Variants in DENND2A observed in about 807,000 individuals in gnomAD.
DENND2A encodes DENN domain-containing protein 2A.
Under a neutral mutation model 105.3 loss-of-function variants are expected in DENND2A, and 53 were observed. That is an observed-to-expected ratio of 0.50 (90% CI 0.40 to 0.63). The LOEUF (loss-of-function observed/expected upper bound fraction) is 0.63, where lower values mean the gene tolerates loss of function less well. Among genes scored for constraint, DENND2A ranks in the 30% least tolerant of loss-of-function variants. The probability of loss-of-function intolerance (pLI) is 0.00; values close to 1 mark genes in which losing one functional copy is unlikely to be tolerated. For missense variants in DENND2A, 1,138 were observed against 1,279.6 expected (o/e 0.89, Z 1.69); for synonymous variants, 522 against 508.4 (o/e 1.03, Z -0.36).
chr7:140,624,709 T>C lies in DENND2A; in HGVS notation c.-248+15795A>G, dbSNP rs140922115. Among the ~76,000 whole-genome samples the C allele has an allele frequency of 2.9e-3, 440 of 152,220 alleles. 2 individuals are homozygous for C. The highest frequency in any genetic ancestry group is 0.01 in the African/African-American group (418 of 41,556). On this transcript the variant is annotated intron_variant, in intron 1 of 19. Coordinates refer to ENST00000496613, the MANE Select transcript of DENND2A (RefSeq NM_015689.5). ...TTCTTGAAGGCATTTCTTTTCCTTT[T>C]TTTTTTCTTAGCTGAAGAGCCACTT...
chr7:140,640,537 G>T lies in DENND2A; in HGVS notation c.-281C>A. The T allele has an allele frequency of 6.6e-6, 1 of 151,134 alleles. No individual in the cohort carries two copies. Among genetic ancestry groups the T allele is most frequent in the South Asian group, 1.9e-4 (1 of 5,390 alleles). 9.4% of individuals were successfully genotyped at this position (151,134 alleles called of 1,614,324 possible). On this transcript the variant is annotated 5_prime_UTR_variant, in exon 1 of 20. Transcript: ENST00000496613. This position sits in a 1 kb window ranked among gnomAD's most constrained non-coding sequence, Gnocchi z 4.9. ...GGGCGGCGGCTCCGCGGGCTCTGGG[G>T]CGCATCTTGGGGGCTCCGGGGCGGG...
intron 10 of DENND2A, 84 bp from the exon 11 acceptor site, chr7:140,558,296 A>AGCAAGGGGTG: frequency 9.1e-7 from 1 of 1,093,594 alleles, no homozygotes; most frequent in Non-Finnish European, 1.4e-6. Context: ...GGTGGCAGTG[A>AGCAAGGGGTG]GCAGCCATGG....
intron 3 of DENND2A, among the ~76,000 whole-genome samples, chr7:140,594,238 C>T (rs1470512178): frequency 6.6e-6 from 1 of 152,124 alleles, no homozygotes; most frequent in African/African-American, 2.4e-5. Flanking sequence ...ATCTCTCTCC[C>T]CTTCTTAAAA....
chr7:140,636,994 G>C (rs544652933), intron 1 of DENND2A, among the ~76,000 whole-genome samples: 16 of 152,112 alleles, frequency 1.1e-4, no homozygotes, highest in African/African-American at 3.4e-4. Context: ...CAAGTAGTTG[G>C]GACTACAGGC....
chr7:140,573,926 C>T lies in DENND2A; in HGVS notation c.1328G>A (p.Arg443Gln), dbSNP rs778701152. ...TTTGGAAGGGGACCCAGTTCCATCCCGACTCAGCTTCCTAGTGTCCAGCAG... is the reference window on the plus strand; with the variant it reads ...TTTGGAAGGGGACCCAGTTCCATCCTGACTCAGCTTCCTAGTGTCCAGCAG... ...FKLLDTRKLS[R>Q]DGTGSPSKIS... Residue 443 changes from arginine to glutamine, a missense_variant, in exon 6 of 20, where the codon CGG (arginine) becomes CAG (glutamine). Physicochemically the swap from Arg to Gln is conservative, Grantham distance 43. Transcript: ENST00000496613. The T allele has an allele frequency of 3.0e-5, 49 of 1,614,024 alleles. No homozygotes were observed. The highest frequency in any genetic ancestry group is 1.8e-4 in the South Asian group (16 of 91,084).
intron 1 of DENND2A, among the ~76,000 whole-genome samples, chr7:140,614,153 G>C (rs1041255517): frequency 1.3e-5 from 2 of 151,810 alleles, no homozygotes; most frequent in African/African-American, 4.8e-5. Flanking sequence ...ACCCAGGCTG[G>C]AGTGCAGTGG....
Position 140,601,499 on chromosome 7 carries a change from G to A in DENND2A, c.899C>T (p.Pro300Leu). 1 of 1,614,076 alleles carries A rather than the reference G, an allele frequency of 6.2e-7. No homozygotes were observed. Among genetic ancestry groups the A allele is most frequent in the Non-Finnish European group, 8.5e-7 (1 of 1,180,004 alleles). ...RKEKRNLPPL[P>L]SLPPPPLPSS... ...GGGCAGAGGCGGGGGAGGTAGAGAG[G>A]GCAGAGGAGGCAGATTTCTTTTCTC... is the stretch of plus-strand genomic sequence containing the variant. Residue 300 changes from proline (P) to leucine (L), a missense_variant, in exon 3 of 20, where the codon CCC becomes CTC. Transcript: ENST00000496613.
intron 1 of DENND2A, among the ~76,000 whole-genome samples, chr7:140,633,353 G>C (rs2130740952): frequency 6.6e-6 from 1 of 151,938 alleles, no homozygotes; most frequent in South Asian, 2.1e-4. Flanking sequence ...TTATAGAGAT[G>C]GGGTTTGGCC....
At chr7:140,538,651 C>T (rs1796535675) in intron 14 of DENND2A, among the ~76,000 whole-genome samples, 1 of 151,808 alleles carries the variant, frequency 6.6e-6, no homozygotes, top group African/African-American at 2.4e-5. Context: ...GGATTACAGG[C>T]GCCCGCCACC....
At position 140,521,879 on chromosome 7, in the gene DENND2A, C is replaced by T. The variant is rs773888010; in HGVS notation, c.2887G>A (p.Glu963Lys). The T allele has an allele frequency of 1.4e-5, 22 of 1,613,974 alleles. No homozygotes were observed. Among genetic ancestry groups the T allele is most frequent in the Non-Finnish European group, 1.8e-5 (21 of 1,180,052 alleles). Residue 963 changes from glutamate (E) to lysine (K), a missense_variant, in exon 18 of 20, where the codon GAG becomes AAG. Coordinates refer to ENST00000496613, the MANE Select transcript of DENND2A (RefSeq NM_015689.5). ...QMFRGFIQER[E>K]LRRQDAKGLF... ...CCTTTGGCATCCTGCCGGCGCAGCT[C>T]CCGCTCCTGGATGAAGCCCCGAAAC...
intron 3 of DENND2A, among the ~76,000 whole-genome samples, chr7:140,592,037 C>T (rs1331033350): frequency 1.4e-3 from 162 of 117,480 alleles, no homozygotes; most frequent in African/African-American, 5.2e-3. Context: ...CCCTTCTTTT[C>T]TTCTTCTTTT....
chr7:140,552,676 C>G (rs28707559), intron 12 of DENND2A, among the ~76,000 whole-genome samples: 3,213 of 152,096 alleles, frequency 0.021, 112 homozygotes, highest in African/African-American at 0.073. Context: ...AGGATTACAG[C>G]TGTGAGCCAC....
intron 3 of DENND2A, among the ~76,000 whole-genome samples, chr7:140,601,084 G>C (rs1158749883): frequency 6.6e-6 from 1 of 152,118 alleles, no homozygotes; most frequent in Non-Finnish European, 1.5e-5. Context: ...CCAAGTTGTA[G>C]ACTGCCAGGG....
rs1797547136 is a variant in DENND2A, at chr7:140,559,951, G to C, written c.1780-134C>G. The stretch of plus-strand genomic sequence containing the variant: ...GCCTTAGCCTCTTCCCTTGGGAAGA[G>C]CTTGCAGCTCAGTCGGCTGGGGCAT... On this transcript the variant is annotated intron_variant, in intron 9 of 19. Coordinates refer to ENST00000496613, the MANE Select transcript of DENND2A (RefSeq NM_015689.5). The surrounding 1 kb of genome is among the most constrained non-coding windows in gnomAD (Gnocchi z 4.1). The C allele has an allele frequency of 1.4e-6, 1 of 718,554 alleles. No homozygotes were observed. The highest frequency in any genetic ancestry group is 2.5e-6 in the Non-Finnish European group (1 of 403,740). 44.5% of individuals were successfully genotyped at this position (718,554 alleles called of 1,614,324 possible). A position where few individuals can be genotyped will look rare whatever the true frequency, so the allele number is the denominator to read the frequency against.
intron 5 of DENND2A, among the ~76,000 whole-genome samples, chr7:140,581,718 G>T (rs751974106): frequency 3.3e-5 from 5 of 152,220 alleles, no homozygotes; most frequent in Non-Finnish European, 5.9e-5. Context: ...GGGCTTGCAA[G>T]GATCCGTGGC....
At chr7:140,543,373 A>G (rs1000886596) in intron 14 of DENND2A, among the ~76,000 whole-genome samples, 3 of 149,770 alleles carry the variant, frequency 2.0e-5, no homozygotes, top group African/African-American at 7.4e-5. Context: ...TCCCTCAAGC[A>G]GTCCTTCCAC....
intron 11 of DENND2A, among the ~76,000 whole-genome samples, chr7:140,557,830 G>T (rs182479116): frequency 6.6e-6 from 1 of 151,690 alleles, no homozygotes; most frequent in Admixed American, 6.6e-5. Context: ...GAGCCACCGC[G>T]CCCGGCCGTA....
In DENND2A at chr7:140,521,798, G is replaced by A. The variant is rs112781685; in HGVS notation, c.2911+57C>T. On this transcript the variant is annotated intron_variant, in intron 18 of 19. Transcript: ENST00000496613. ...TGATCTTTCTCCCTACTCATCAGCC[G>A]CCTGGAATATAGGGAGCTCTAGCTG... The A allele has an allele frequency of 3.1e-3, 4,921 of 1,598,754 alleles. 99 individuals carry two copies. In the African/African-American group the frequency reaches 0.038, roughly 12 times the overall value.
intron 18 of DENND2A, among the ~76,000 whole-genome samples, chr7:140,520,306 CAAAA>C (rs762064430): frequency 2.8e-5 from 3 of 108,226 alleles, no homozygotes; most frequent in Non-Finnish European, 5.9e-5. Context: ...AACTCCGTCG[CAAAA>C]AAAAAAAAAA....
Sources: gnomAD v4.1 joint callset for allele counts (sites outside exome capture counted in the v4.1 genomes callset) on GRCh38, gnomAD v4.1.1 for gene constraint, Gnocchi (gnomAD v3.1) non-coding constraint, MANE v1.5 for transcripts, NCBI Gene and HGNC (gene_info 2026-07-23, HGNC 2026-07-21) for gene names.